RNF216: variants seen among roughly 807,000 people sequenced by gnomAD.
RNF216 encodes ring finger protein 216.
RNF216 carries 72 observed loss-of-function variants against 110.8 expected under a neutral mutation model. The ratio of observed to expected loss-of-function variants is 0.65; its 90% CI spans 0.54 to 0.79. RNF216 has a LOEUF of 0.79. Ranked by LOEUF, RNF216 falls within the 30% of genes least tolerant of loss-of-function variation. The pLI is 0.00. For missense variants in RNF216, 1,342 were observed against 1,141.2 expected (o/e 1.18, Z -2.54); for synonymous variants, 495 against 407.5 (o/e 1.21, Z -2.59).
chr7:5,779,706 G>GT (rs1346045686), intron 1 of RNF216, among the ~76,000 whole-genome samples: 2 of 148,602 alleles, frequency 1.3e-5, no homozygotes, highest in East Asian at 4.0e-4. Flanking sequence ...GTGCGCGCCT[G>GT]TAATTCCAGC....
intron 1 of RNF216, among the ~76,000 whole-genome samples, chr7:5,774,597 CTTACA>C (rs1245559626): frequency 1.3e-5 from 2 of 152,114 alleles, no homozygotes; most frequent in Non-Finnish European, 2.9e-5. Context: ...AATAGCTATT[CTTACA>C]TTACAAGGCT....
intron 7 of RNF216, among the ~76,000 whole-genome samples, chr7:5,727,614 C>A (rs1793839479): frequency 6.6e-6 from 1 of 152,066 alleles, no homozygotes; most frequent in African/African-American, 2.4e-5. Flanking sequence ...CACCTGTAGT[C>A]CTAGCTACAT....
At chr7:5,724,390 C>T (rs747924560) in intron 8 of RNF216, among the ~76,000 whole-genome samples, 1 of 152,220 alleles carries the variant, frequency 6.6e-6, no homozygotes, top group African/African-American at 2.4e-5. Context: ...AACTATCTTG[C>T]AAAATAGCAC....
chr7:5,651,156 C>T (rs1311968686), intron 14 of RNF216, among the ~76,000 whole-genome samples: 2 of 152,110 alleles, frequency 1.3e-5, no homozygotes, highest in Non-Finnish European at 2.9e-5. Flanking sequence ...GTAAATGTGG[C>T]CACAATCTAG....
intron 2 of RNF216, 29 bp from the exon 3 acceptor site, chr7:5,753,008 G>A: frequency 6.3e-7 from 1 of 1,592,920 alleles, no homozygotes; most frequent in Non-Finnish European, 8.5e-7. Flanking sequence ...CACTGTTACT[G>A]GGAGGTTGGC....
At chr7:5,690,585 A>G (rs852262) in intron 13 of RNF216, among the ~76,000 whole-genome samples, 2,510 of 152,274 alleles carry the variant, frequency 0.016, 35 homozygotes, top group South Asian at 0.053. Context: ...TCCCATCAGC[A>G]GTGCTTTCCC....
At chr7:5,779,418 G>T (rs1351829058) in intron 1 of RNF216, among the ~76,000 whole-genome samples, 2 of 151,984 alleles carry the variant, frequency 1.3e-5, no homozygotes, top group Non-Finnish European at 2.9e-5. Context: ...CACACCCCAG[G>T]CGCAATAAAT....
chr7:5,741,806 G>T lies in RNF216; in HGVS notation c.211C>A (p.Pro71Thr). Reference sequence around the variant, plus strand: ...ATGAGATTGGGTCGTGATCTCTGAGGTTTATTTGTCTAAGAAAAAATGAAA... The same window carrying T: ...ATGAGATTGGGTCGTGATCTCTGAGTTTTATTTGTCTAAGAAAAAATGAAA... ...DDVILTETNK[P>T]QRSRPNLIKP... Residue 71 changes from proline to threonine, a missense_variant, in exon 4 of 17, where the codon CCT becomes ACT. Pro to Thr is a conservative substitution (Grantham distance 38). Transcript: ENST00000389902. 4 of 1,593,228 alleles carry T rather than the reference G, an allele frequency of 2.5e-6. No homozygotes were observed. The highest frequency in any genetic ancestry group is 3.4e-6 in the Non-Finnish European group (4 of 1,173,226).
intron 13 of RNF216, among the ~76,000 whole-genome samples, chr7:5,657,405 T>C (rs1318816760): frequency 2.6e-5 from 4 of 152,028 alleles, no homozygotes; most frequent in Non-Finnish European, 5.9e-5. Context: ...CCATCTCTAC[T>C]AAAAATACAA....
chr7:5,626,664 T>C (rs1234608672), intron 15 of RNF216, among the ~76,000 whole-genome samples: 1 of 149,470 alleles, frequency 6.7e-6, no homozygotes, highest in Non-Finnish European at 1.5e-5. Flanking sequence ...AGAGTGAAAC[T>C]TGTGTTAAAA....
At chr7:5,705,864 A>C (rs532037717) in intron 13 of RNF216, among the ~76,000 whole-genome samples, 3 of 151,952 alleles carry the variant, frequency 2.0e-5, no homozygotes, top group Non-Finnish European at 4.4e-5. Context: ...CCAAGATCAT[A>C]CCATTGCACT....
intron 14 of RNF216, among the ~76,000 whole-genome samples, chr7:5,648,162 A>C (rs908831779): frequency 6.6e-6 from 1 of 151,272 alleles, no homozygotes; most frequent in East Asian, 2.0e-4. Context: ...GCTGGAGTGC[A>C]ATGGCGTGAT....
chr7:5,764,793 G>T (rs1308209915), intron 1 of RNF216, among the ~76,000 whole-genome samples: 1 of 152,096 alleles, frequency 6.6e-6, no homozygotes, highest in Non-Finnish European at 1.5e-5. Context: ...GCGGCTGGGT[G>T]CAGTGGCTCA....
intron 7 of RNF216, among the ~76,000 whole-genome samples, chr7:5,729,030 G>T (rs1793928657): frequency 6.6e-6 from 1 of 152,190 alleles, no homozygotes; most frequent in African/African-American, 2.4e-5. Context: ...CTTCTGAGGG[G>T]GCACTGCTGT....
chr7:5,757,909 C>A (rs1023812215), intron 2 of RNF216, among the ~76,000 whole-genome samples: 14 of 152,158 alleles, frequency 9.2e-5, no homozygotes, highest in Admixed American at 8.5e-4. Context: ...AATCCTAGCA[C>A]TTCGTGAGGC....
At chr7:5,775,436 G>C (rs919030839) in intron 1 of RNF216, among the ~76,000 whole-genome samples, 1 of 152,120 alleles carries the variant, frequency 6.6e-6, no homozygotes, top group South Asian at 2.1e-4. Context: ...AACTACTACT[G>C]TATGATCCTA....
At chr7:5,675,700 A>ACT (rs1790238901) in intron 13 of RNF216, among the ~76,000 whole-genome samples, 1 of 150,224 alleles carries the variant, frequency 6.7e-6, no homozygotes, top group African/African-American at 2.5e-5. Flanking sequence ...TATAGCGCTA[A>ACT]CTCTATTCAA....
intron 14 of RNF216, among the ~76,000 whole-genome samples, chr7:5,649,086 A>T (rs1019710926): frequency 2.0e-5 from 3 of 152,212 alleles, no homozygotes; most frequent in Non-Finnish European, 4.4e-5. Context: ...TTTAAAAACA[A>T]GAAAGTGACG....
chr7:5,638,479 A>G (rs1330569141), intron 15 of RNF216, among the ~76,000 whole-genome samples: 1 of 152,144 alleles, frequency 6.6e-6, no homozygotes, highest in Non-Finnish European at 1.5e-5. Flanking sequence ...GTACACAGTA[A>G]CTGCCCACTA....
Sources: gnomAD v4.1 joint callset for allele counts (sites outside exome capture counted in the v4.1 genomes callset) on GRCh38, gnomAD v4.1.1 for gene constraint, MANE v1.5 for transcripts, NCBI Gene and HGNC (gene_info 2026-07-23, HGNC 2026-07-21) for gene names.